The following GRM8 variants were observed in gnomAD, a reference collection of about 807,000 sequenced individuals.
GRM8 encodes metabotropic glutamate receptor 8.
A neutral mutation model predicts 87.2 loss-of-function variants in GRM8; 47 were observed. The ratio of observed to expected loss-of-function variants is 0.54; its 90% CI spans 0.43 to 0.69. The LOEUF (loss-of-function observed/expected upper bound fraction) is 0.69, where lower values mean the gene tolerates loss of function less well. Ranked by LOEUF, GRM8 falls within the 30% of genes least tolerant of loss-of-function variation. The pLI is 0.00. For missense variants in GRM8, 1,019 were observed against 1,139.2 expected (o/e 0.89, Z 1.52); for synonymous variants, 396 against 404.5 (o/e 0.98, Z 0.25).
chr7:126,494,848 A>C (rs1358027785), intron 9 of GRM8, among the ~76,000 whole-genome samples: 1 of 152,074 alleles, frequency 6.6e-6, no homozygotes, highest in Non-Finnish European at 1.5e-5. Flanking sequence ...AAGAGTGTAC[A>C]AAATACATTC....
chr7:127,039,847 C>T (rs1159036850), intron 3 of GRM8, among the ~76,000 whole-genome samples: 5 of 23,790 alleles, frequency 2.1e-4, no homozygotes, highest in East Asian at 1.5e-3. Context: ...AGGAAGGGGA[C>T]GGGGAAGGGA....
intron 3 of GRM8, among the ~76,000 whole-genome samples, chr7:126,910,028 T>C (rs531477192): frequency 6.6e-6 from 1 of 152,242 alleles, no homozygotes; most frequent in East Asian, 1.9e-4. Flanking sequence ...ACCCTGCCAG[T>C]TGTCCCTTGT....
intron 7 of GRM8, among the ~76,000 whole-genome samples, chr7:126,707,129 C>A (rs943333914): frequency 6.6e-6 from 1 of 151,922 alleles, no homozygotes; most frequent in Non-Finnish European, 1.5e-5. Context: ...CATGGCAAAA[C>A]CCTATCTCTA....
At chr7:127,017,099 C>G (rs1815760661) in intron 3 of GRM8, among the ~76,000 whole-genome samples, 1 of 152,020 alleles carries the variant, frequency 6.6e-6, no homozygotes, top group Non-Finnish European at 1.5e-5. Context: ...ATGGGAACAT[C>G]TAATCTGTCT....
chr7:126,493,557 A>G (rs1187417798), intron 9 of GRM8, among the ~76,000 whole-genome samples: 1 of 152,016 alleles, frequency 6.6e-6, no homozygotes, highest in Non-Finnish European at 1.5e-5. Flanking sequence ...GGCAACCACT[A>G]TGTGAGAAGA....
At position 126,626,369 on chromosome 7, in the gene GRM8, T is replaced by G. The variant is rs191921095; in HGVS notation, c.1358-16871A>C. ...AGTTTTTAAATTATGCTGTTGATATTTTCATTTAATATACCTGTAGTTGAC... is the reference window on the plus strand; with the variant it reads ...AGTTTTTAAATTATGCTGTTGATATGTTCATTTAATATACCTGTAGTTGAC... On this transcript the variant is annotated intron_variant, in intron 7 of 10. Transcript: ENST00000339582. 3.4e-3 allele frequency among the ~76,000 whole-genome samples: 512 copies of G among 152,316 alleles called. 5 individuals carry two copies. The highest frequency in any genetic ancestry group is 0.019 in the Admixed American group (297 of 15,286).
Position 127,020,565 on chromosome 7 carries a change from T to C in GRM8, c.727+85931A>G, listed in dbSNP as rs183857303. ...ACAGTAAGAACAAAATGTTTATAAC[T>C]CTAGTGATAAAACAGTAGCCACAAT... On this transcript the variant is annotated intron_variant, in intron 3 of 10. Coordinates refer to ENST00000339582, the MANE Select transcript of GRM8 (RefSeq NM_000845.3). 2.6e-5 allele frequency among the ~76,000 whole-genome samples: 4 copies of C among 152,200 alleles called. No homozygotes were observed. In the East Asian group the frequency reaches 7.7e-4, roughly 29 times the overall value.
intron 6 of GRM8, among the ~76,000 whole-genome samples, chr7:126,866,167 T>A (rs187700868): frequency 6.6e-6 from 1 of 152,338 alleles, no homozygotes; most frequent in East Asian, 1.9e-4. Flanking sequence ...TTCAGTTCCC[T>A]GGTGACTAAT....
At chr7:127,142,453 T>C (rs1475382888) in intron 2 of GRM8, among the ~76,000 whole-genome samples, 2 of 152,154 alleles carry the variant, frequency 1.3e-5, no homozygotes, top group South Asian at 2.1e-4. Flanking sequence ...CAGTGACAAG[T>C]AGTGCTTTTC....
At chr7:126,873,314 A>T (rs1799260952) in intron 6 of GRM8, among the ~76,000 whole-genome samples, 1 of 152,146 alleles carries the variant, frequency 6.6e-6, no homozygotes. Context: ...CCTTAAAACT[A>T]AAGAACTTTT....
intron 2 of GRM8, among the ~76,000 whole-genome samples, chr7:127,135,499 T>C (rs1328308267): frequency 6.6e-6 from 1 of 151,914 alleles, no homozygotes; most frequent in African/African-American, 2.4e-5. Flanking sequence ...CATTGTTCTG[T>C]AGTTAAGGAT....
intron 3 of GRM8, among the ~76,000 whole-genome samples, chr7:126,982,585 C>T (rs1458498603): frequency 1.3e-5 from 2 of 152,112 alleles, no homozygotes; most frequent in East Asian, 3.8e-4. Flanking sequence ...TAAATACTGA[C>T]ATGGATATGA....
chr7:126,738,002 G>A (rs1814437210), intron 7 of GRM8, among the ~76,000 whole-genome samples: 1 of 151,984 alleles, frequency 6.6e-6, no homozygotes, highest in African/African-American at 2.4e-5. Context: ...AGGTGAAATG[G>A]GGTTTTGAAA....
At chr7:126,531,575 C>T (rs1411320684) in intron 9 of GRM8, among the ~76,000 whole-genome samples, 3 of 152,186 alleles carry the variant, frequency 2.0e-5, no homozygotes, top group African/African-American at 7.2e-5. Flanking sequence ...CTGTGAAATT[C>T]TTATCTTCAT....
At chr7:126,570,643 C>G (rs1794616718) in intron 8 of GRM8, among the ~76,000 whole-genome samples, 1 of 152,162 alleles carries the variant, frequency 6.6e-6, no homozygotes, top group Non-Finnish European at 1.5e-5. Context: ...CTGTATGCCA[C>G]TGACACTAAA....
At chr7:126,859,054 G>A (rs1797928768) in intron 6 of GRM8, among the ~76,000 whole-genome samples, 1 of 151,304 alleles carries the variant, frequency 6.6e-6, no homozygotes, top group Admixed American at 6.6e-5. Context: ...CCTCCCTAAA[G>A]GCAGCAGGGT....
intron 3 of GRM8, among the ~76,000 whole-genome samples, chr7:127,001,450 A>C (rs1305086810): frequency 6.6e-6 from 1 of 151,714 alleles, no homozygotes; most frequent in African/African-American, 2.4e-5. Flanking sequence ...CTCATTTAAA[A>C]AACTGTCAAA....
intron 7 of GRM8, among the ~76,000 whole-genome samples, chr7:126,758,348 T>C (rs1255896267): frequency 6.6e-6 from 1 of 152,170 alleles, no homozygotes; most frequent in African/African-American, 2.4e-5. Flanking sequence ...CATCCAAAGA[T>C]GAGGCCATAA....
intron 6 of GRM8, among the ~76,000 whole-genome samples, chr7:126,837,329 AATCAACTGGT>A (rs1795899625): frequency 1.3e-5 from 2 of 152,222 alleles, no homozygotes; most frequent in Non-Finnish European, 2.9e-5. Context: ...CATAAAAAGG[AATCAACTGGT>A]ATTATTTAGT....
Sources: allele counts gnomAD v4.1 joint callset (sites outside exome capture counted in the v4.1 genomes callset), GRCh38; gene constraint gnomAD v4.1.1; transcripts MANE v1.5; gene names NCBI Gene and HGNC (gene_info 2026-07-23, HGNC 2026-07-21).